Variants in UBE2V2 observed in about 807,000 individuals in gnomAD.
The protein encoded by UBE2V2 is ubiquitin-conjugating enzyme E2 variant 2.
In UBE2V2, 9 loss-of-function variants were observed where a neutral mutation model predicts 17.2. The observed-to-expected ratio is 0.52, with a 90% CI of 0.32 to 0.91. The LOEUF is 0.91. Ranked by LOEUF, UBE2V2 falls within the 40% of genes least tolerant of loss-of-function variation. The pLI is 0.04. For missense variants in UBE2V2, 133 were observed against 182.6 expected (o/e 0.73, Z 1.56); for synonymous variants, 61 against 57.5 (o/e 1.06, Z -0.28).
chr8:47,997,908 G>A, the UBE2V2 span, among the ~76,000 whole-genome samples: 1 of 151,956 alleles, frequency 6.6e-6, no homozygotes, highest in African/African-American at 2.4e-5. Flanking sequence ...GGGATCAAAG[G>A]AGGCGAAGTC....
chr8:48,042,930 G>A (rs2091473756), intron 1 of UBE2V2, 103 bp from the exon 2 acceptor site: 1 of 1,205,146 alleles, frequency 8.3e-7, no homozygotes, highest in African/African-American at 1.5e-5. Flanking sequence ...GGTCTTTTTG[G>A]GAAATAATTT....
intron 1 of UBE2V2, among the ~76,000 whole-genome samples, chr8:48,038,723 C>A (rs572821546): frequency 6.6e-6 from 1 of 151,892 alleles, no homozygotes; most frequent in Non-Finnish European, 1.5e-5. Flanking sequence ...TCAAATGATC[C>A]GCCTGCCTCA....
At chr8:48,008,407 G>A (rs767953042), upstream of UBE2V2, 23 of 1,554,998 alleles carry the variant, frequency 1.5e-5, no homozygotes, top group South Asian at 1.9e-4. Context: ...AGTGACGCGC[G>A]ACGGTTCGTG....
At chr8:48,050,242 C>CT (rs542214279) in intron 3 of UBE2V2, 503 of 180,806 alleles carry the variant, frequency 2.8e-3, no homozygotes, top group Middle Eastern at 6.5e-3. Context: ...TTTTTCTTTT[C>CT]TTTTTTTTTT....
chr8:48,062,704 A>C lies in UBE2V2; in HGVS notation c.*1876A>C, dbSNP rs1164212657. 6.6e-6 allele frequency: 1 copy of C among 152,226 alleles called. No individual in the cohort carries two copies. Among genetic ancestry groups the C allele is most frequent in the Non-Finnish European group, 1.5e-5 (1 of 68,036 alleles). 9.4% of individuals were successfully genotyped at this position (152,226 alleles called of 1,614,324 possible). A position where few individuals can be genotyped will look rare whatever the true frequency, so the allele number is the denominator to read the frequency against. On this transcript the variant is annotated 3_prime_UTR_variant, in exon 4 of 4. Transcript: ENST00000523111. ...GCCCTGAAAGGCTTTTATCAAGCTC[A>C]TATAAAGTTAAAGCTTTGAGCTACC...
chr8:48,035,017 G>T, intron 1 of UBE2V2: 4 of 985,074 alleles, frequency 4.1e-6, no homozygotes, highest in Non-Finnish European at 4.8e-6. Flanking sequence ...CATGATGGTT[G>T]GCTTCCAAAA....
intron 1 of UBE2V2, among the ~76,000 whole-genome samples, chr8:48,015,592 C>T (rs559174313): frequency 4.0e-4 from 61 of 152,162 alleles, no homozygotes; most frequent in Non-Finnish European, 7.8e-4. Context: ...TAAACTTGTT[C>T]CTCCTGACTG....
chr8:48,010,577 A>G (rs909674553), intron 1 of UBE2V2, among the ~76,000 whole-genome samples: 1 of 146,272 alleles, frequency 6.8e-6, no homozygotes, highest in Admixed American at 6.9e-5. Flanking sequence ...AATTTTTTGT[A>G]TATTTAGTAG....
the UBE2V2 span, among the ~76,000 whole-genome samples, chr8:47,997,913 G>C: frequency 6.6e-6 from 1 of 151,940 alleles, no homozygotes; most frequent in Admixed American, 6.6e-5. Flanking sequence ...CAAAGGAGGC[G>C]AAGTCATCGG....
Position 48,035,107 on chromosome 8 carries a change from C to CTTTTTTT in UBE2V2, c.17-7907_17-7901dup, listed in dbSNP as rs578114987. The CTTTTTTT allele has an allele frequency of 4.0e-5, 34 of 855,588 alleles. No individual in the cohort carries two copies. In the Admixed American group the frequency reaches 4.2e-4, roughly 11 times the overall value. The allele number at this position is 855,588 out of a possible 1,614,324, so 53.0% of individuals were successfully genotyped here. A position where few individuals can be genotyped will look rare whatever the true frequency, so the allele number is the denominator to read the frequency against. ...TAGCATTGCTGCTTCCCTATTTATT[C>CTTTTTTT]TTTTTTTTTTTTTTTTTTTTTTTTT... On this transcript the variant is annotated intron_variant, in intron 1 of 3. Transcript: ENST00000523111.
chr8:48,064,250 A>G lies in UBE2V2; in HGVS notation c.*3422A>G, dbSNP rs1041846872. The G allele has an allele frequency of 6.6e-6, 1 of 152,204 alleles. No individual in the cohort carries two copies. The highest frequency in any genetic ancestry group is 2.4e-5 in the African/African-American group (1 of 41,452). 9.4% of individuals were successfully genotyped at this position (152,204 alleles called of 1,614,324 possible). A position where few individuals can be genotyped will look rare whatever the true frequency, so the allele number is the denominator to read the frequency against. ...TCATTTATTGCTGGGATGGATCGAA[A>G]AGCACTGCTTTTACTTTTCTGATAA... On this transcript the variant is annotated 3_prime_UTR_variant, in exon 4 of 4. Coordinates refer to ENST00000523111, the MANE Select transcript of UBE2V2 (RefSeq NM_003350.3).
At chr8:48,001,220 C>A in the UBE2V2 span, among the ~76,000 whole-genome samples, 1 of 152,136 alleles carries the variant, frequency 6.6e-6, no homozygotes, top group African/African-American at 2.4e-5. Context: ...AATGCTAAGC[C>A]TGCTTGTCAT....
At chr8:48,045,530 G>C (rs567620586) in intron 2 of UBE2V2, among the ~76,000 whole-genome samples, 1 of 152,184 alleles carries the variant, frequency 6.6e-6, no homozygotes, top group Admixed American at 6.5e-5. Context: ...GGGGAGGTCA[G>C]CTAGATTTTA....
chr8:48,008,759 T>C (rs2091205053), intron 1 of UBE2V2, among the ~76,000 whole-genome samples: 1 of 151,502 alleles, frequency 6.6e-6, no homozygotes, highest in Non-Finnish European at 1.5e-5. Flanking sequence ...GGGTCCGAGT[T>C]GTAGGCTGAA....
intron 1 of UBE2V2, among the ~76,000 whole-genome samples, chr8:48,020,198 G>C (rs1299042959): frequency 2.6e-5 from 4 of 151,956 alleles, no homozygotes; most frequent in Non-Finnish European, 4.4e-5. Flanking sequence ...ACTATGCCTT[G>C]CTAATTTTTT....
At chr8:48,026,191 C>T (rs2091343905) in intron 1 of UBE2V2, among the ~76,000 whole-genome samples, 1 of 151,752 alleles carries the variant, frequency 6.6e-6, no homozygotes, top group African/African-American at 2.4e-5. Flanking sequence ...AACTTGGTTC[C>T]AGGAGTTTTG....
At chr8:48,050,075 T>A in intron 3 of UBE2V2, 97 bp downstream of exon 3, 1 of 918,552 alleles carries the variant, frequency 1.1e-6, no homozygotes, top group Non-Finnish European at 1.5e-6. Context: ...TATTAATATG[T>A]AGTTAGGAGA....
At chr8:48,008,407 G>C, upstream of UBE2V2, 2 of 1,555,106 alleles carry the variant, frequency 1.3e-6, no homozygotes, top group African/African-American at 1.4e-5. Context: ...AGTGACGCGC[G>C]ACGGTTCGTG....
At chr8:48,010,238 A>ATT (rs750999592) in intron 1 of UBE2V2, among the ~76,000 whole-genome samples, 7 of 139,420 alleles carry the variant, frequency 5.0e-5, no homozygotes, top group African/African-American at 1.3e-4. Context: ...GGGAGTCTGT[A>ATT]TTTTTTTTTT....
Sources: allele counts gnomAD v4.1 joint callset (sites outside exome capture counted in the v4.1 genomes callset), GRCh38; gene constraint gnomAD v4.1.1; transcripts MANE v1.5; gene names NCBI Gene and HGNC (gene_info 2026-07-23, HGNC 2026-07-21).